Variants in ZNF112 observed in about 807,000 individuals in gnomAD.
ZNF112 encodes the protein zinc finger protein 112.
In ZNF112, 37 loss-of-function variants were observed where a neutral mutation model predicts 77.7. The observed-to-expected ratio is 0.48, with a 90% confidence interval of 0.37 to 0.63. The LOEUF is 0.63. ZNF112 is among the 20% of genes least tolerant of loss of function. The pLI is 0.00. For synonymous variants in ZNF112, 333 were observed against 363.6 expected, an observed-to-expected ratio of 0.92 and a Z score of 0.96; for missense variants, 950 against 1,077.4, an observed-to-expected ratio of 0.88 and a Z score of 1.66.
At chr19:44,342,460 T>G (rs1970507489) in intron 1 of ZNF112, among the ~76,000 whole-genome samples, 1 of 152,160 alleles carries the variant, frequency 6.6e-6, no homozygotes, top group African/African-American at 2.4e-5. Context: ...GTAGGAAAAC[T>G]GATACTGCAA....
chr19:44,340,003 T>C (rs1970460085), intron 2 of ZNF112, among the ~76,000 whole-genome samples: 1 of 152,132 alleles, frequency 6.6e-6, no homozygotes, highest in Non-Finnish European at 1.5e-5. Context: ...AAAATGTTAT[T>C]AGAGGTGAAT....
chr19:44,335,014 G>A (rs948705157), intron 3 of ZNF112, among the ~76,000 whole-genome samples: 21 of 152,244 alleles, frequency 1.4e-4, no homozygotes, highest in Admixed American at 1.3e-3. Flanking sequence ...CTTCCACCAC[G>A]TGCCTGGAAA....
chr19:44,345,283 T>C (rs1970567327), intron 1 of ZNF112, among the ~76,000 whole-genome samples: 1 of 152,212 alleles, frequency 6.6e-6, no homozygotes, highest in Non-Finnish European at 1.5e-5. Flanking sequence ...ACTAGGCCAT[T>C]TGGCCTCTCA....
chr19:44,364,340 T>C (rs1210887033), intron 1 of ZNF112, among the ~76,000 whole-genome samples: 1 of 152,266 alleles, frequency 6.6e-6, no homozygotes, highest in Non-Finnish European at 1.5e-5. Flanking sequence ...AATTTGTATG[T>C]CTTCCTTTGT....
At chr19:44,356,510 C>G (rs1599940173) in intron 1 of ZNF112, 116 bp downstream of exon 1, 1 of 152,228 alleles carries the variant, frequency 6.6e-6, no homozygotes, top group African/African-American at 2.4e-5. Context: ...AAATCCCGCC[C>G]TTCGCCGCAA....
At chr19:44,330,703 T>C (rs1368090278) in intron 3 of ZNF112, among the ~76,000 whole-genome samples, 1 of 152,172 alleles carries the variant, frequency 6.6e-6, no homozygotes, top group Non-Finnish European at 1.5e-5. Context: ...GCCACTGCAC[T>C]CCAGCCTAGG....
chr19:44,356,629 T>G lies in ZNF112; in HGVS notation c.-7A>C, dbSNP rs940856185. On this transcript the variant is annotated 5_prime_UTR_variant, in exon 1 of 4. Coordinates refer to ENST00000354340, the MANE Select transcript of ZNF112 (RefSeq NM_013380.4). ...AAGCAGGGCGGGGAGCGCTCACCTTTCTGGGAGGAACGAAGGCCGCGGCCT... is the reference window on the plus strand; with the variant it reads ...AAGCAGGGCGGGGAGCGCTCACCTTGCTGGGAGGAACGAAGGCCGCGGCCT... The G allele has an allele frequency of 1.3e-5, 2 of 152,206 alleles. No individual in the cohort carries two copies. Among genetic ancestry groups the G allele is most frequent in the African/African-American group, 2.4e-5 (1 of 41,358 alleles). 9.4% of individuals were successfully genotyped at this position (152,206 alleles called of 1,614,324 possible).
intron 1 of ZNF112, among the ~76,000 whole-genome samples, chr19:44,355,058 A>G (rs1369654507): frequency 1.3e-5 from 2 of 152,202 alleles, no homozygotes; most frequent in Admixed American, 6.5e-5. Flanking sequence ...TTGCTTTAAA[A>G]TACTGAAACA....
chr19:44,356,646 C>A lies in ZNF112; in HGVS notation c.-24G>T, dbSNP rs772180131. ...CTCACCTTTCTGGGAGGAACGAAGGCCGCGGCCTAGCGTACCTGGGGCGGA... is the reference window on the plus strand; with the variant it reads ...CTCACCTTTCTGGGAGGAACGAAGGACGCGGCCTAGCGTACCTGGGGCGGA... On this transcript the variant is annotated 5_prime_UTR_variant, in exon 1 of 4. Coordinates refer to ENST00000354340, the MANE Select transcript of ZNF112 (RefSeq NM_013380.4). 2.6e-5 allele frequency: 4 copies of A among 152,372 alleles called. No homozygotes were observed. The highest frequency in any genetic ancestry group is 4.4e-5 in the Non-Finnish European group (3 of 68,232). 9.4% of individuals were successfully genotyped at this position (152,372 alleles called of 1,614,324 possible).
At chr19:44,339,069 A>G (rs1364438530) in intron 2 of ZNF112, among the ~76,000 whole-genome samples, 1 of 152,158 alleles carries the variant, frequency 6.6e-6, no homozygotes, top group Admixed American at 6.5e-5. Flanking sequence ...TCAAAAGAAA[A>G]AATATATATA....
chr19:44,354,173 C>G (rs10420923), intron 1 of ZNF112, among the ~76,000 whole-genome samples: 1 of 151,864 alleles, frequency 6.6e-6, no homozygotes, highest in Admixed American at 6.6e-5. Context: ...AAAACTATAG[C>G]GTTTTAGTGG....
At chr19:44,347,114 C>T (rs1970604964) in intron 1 of ZNF112, among the ~76,000 whole-genome samples, 2 of 151,982 alleles carry the variant, frequency 1.3e-5, no homozygotes, top group Admixed American at 1.3e-4. Flanking sequence ...TTTGTAGGTA[C>T]ACTTTTAGGA....
intron 1 of ZNF112, among the ~76,000 whole-genome samples, chr19:44,365,917 C>G (rs1226336240): frequency 2.0e-5 from 3 of 152,138 alleles, no homozygotes; most frequent in Non-Finnish European, 4.4e-5. Context: ...ATTAACATAA[C>G]ACAGATTAAC....
chr19:44,355,508 T>C (rs939519807), intron 1 of ZNF112, among the ~76,000 whole-genome samples: 2 of 152,186 alleles, frequency 1.3e-5, no homozygotes, highest in Admixed American at 1.3e-4. Flanking sequence ...TCCAAATATG[T>C]GTTCTGAAGC....
Position 44,329,201 on chromosome 19 carries a change from T to G in ZNF112, c.956A>C (p.His319Pro). 6.2e-7 allele frequency: 1 copy of G among 1,613,918 alleles called. No homozygotes were observed. Residue 319 changes from histidine (H) to proline (P), a missense_variant, in exon 4 of 4, where the codon CAT (histidine) becomes CCT (proline). This residue lies in a region of ZNF112 where 560 missense variants were observed against 557.3 expected (regional missense o/e 1.00). Transcript: ENST00000354340. ...ACATTTGCATGGTTTCTCCTCTGTA[T>G]GCACTCTCTGATAGGATTTCAGATG... ...NSHLKSYQRVHTEEKPCKCGE... is the reference protein window; with the variant it reads ...NSHLKSYQRVPTEEKPCKCGE...
At chr19:44,336,879 T>TC (rs1326519781) in intron 2 of ZNF112, among the ~76,000 whole-genome samples, 161 bp from the exon 3 acceptor site, 1 of 126,848 alleles carries the variant, frequency 7.9e-6, no homozygotes, top group African/African-American at 3.2e-5. Context: ...ATGATTTTCT[T>TC]TTTTTTTTTT....
rs1408478125 is a variant in ZNF112 at position 44,328,846 on chromosome 19, A to G, written c.1311T>C (p.Tyr437=). Reference sequence around the variant, plus strand: ...AGCCATTACCACACTCCTCAGAATTATATGAATTCTCTTCCATATGAACCC... The same window carrying G: ...AGCCATTACCACACTCCTCAGAATTGTATGAATTCTCTTCCATATGAACCC... ...QHRVHMEENS[Y]NSEECGNGFS... Residue 437 remains tyrosine (Y), a synonymous_variant, in exon 4 of 4, where the codon TAT becomes TAC. Transcript: ENST00000354340. 4.3e-6 allele frequency: 7 copies of G among 1,613,874 alleles called. No individual in the cohort carries two copies. The highest frequency in any genetic ancestry group is 2.7e-5 in the African/African-American group (2 of 74,918).
chr19:44,358,925 G>A (rs1312490920), upstream of ZNF112, among the ~76,000 whole-genome samples: 2 of 152,162 alleles, frequency 1.3e-5, no homozygotes, highest in Admixed American at 6.5e-5. Flanking sequence ...TAGGGGTGGT[G>A]GGGGCAGGGA....
intron 3 of ZNF112, among the ~76,000 whole-genome samples, chr19:44,336,019 C>T (rs995392703): frequency 2.6e-5 from 4 of 152,168 alleles, no homozygotes; most frequent in African/African-American, 9.7e-5. Context: ...AGAAGATGGA[C>T]ATATGAATAC....
Sources: gnomAD v4.1 joint callset for allele counts (sites outside exome capture counted in the v4.1 genomes callset) on GRCh38, gnomAD v4.1.1 for gene constraint, gnomAD v4.1.1 regional missense constraint, MANE v1.5 for transcripts, NCBI Gene and HGNC (gene_info 2026-07-23, HGNC 2026-07-21) for gene names.